PRKCA: variants seen among roughly 807,000 people sequenced by gnomAD.
The protein encoded by PRKCA is protein kinase C alpha type.
In PRKCA, 27 loss-of-function variants were observed where a neutral mutation model predicts 87.0. The observed-to-expected ratio is 0.31, with a 90% CI of 0.23 to 0.43. The LOEUF (loss-of-function observed/expected upper bound fraction) is 0.43, where lower values mean the gene tolerates loss of function less well. Ranked by LOEUF, PRKCA falls within the 20% of genes least tolerant of loss-of-function variation. The pLI is 1.00. For synonymous variants in PRKCA, 329 were observed against 311.1 expected (o/e 1.06, Z -0.61); for missense variants, 518 against 852.3 (o/e 0.61, Z 4.88).
intron 2 of PRKCA, among the ~76,000 whole-genome samples, chr17:66,429,164 G>A (rs1437636217): frequency 1.3e-5 from 2 of 152,022 alleles, no homozygotes; most frequent in Non-Finnish European, 1.5e-5. Flanking sequence ...ATAGTGCTTG[G>A]TATCTAGTAG....
intron 2 of PRKCA, among the ~76,000 whole-genome samples, chr17:66,457,158 G>A (rs530334879): frequency 2.6e-5 from 4 of 152,144 alleles, no homozygotes; most frequent in Admixed American, 2.0e-4. Context: ...TCTTGGAGTC[G>A]TCGTCTTGGC....
chr17:66,551,455 G>C (rs1968327866), intron 3 of PRKCA, among the ~76,000 whole-genome samples: 1 of 152,252 alleles, frequency 6.6e-6, no homozygotes, highest in Admixed American at 6.5e-5. Flanking sequence ...GCAAGCTGTT[G>C]GCGGAAGCCT....
At chr17:66,768,978 A>G (rs1445492684) in intron 13 of PRKCA, among the ~76,000 whole-genome samples, 2 of 152,192 alleles carry the variant, frequency 1.3e-5, no homozygotes, top group African/African-American at 4.8e-5. Context: ...ATGGATAAGC[A>G]GACTTGATAC....
chr17:66,564,144 TCTCGGCTCTGTGCAGG>T (rs1968815650), intron 3 of PRKCA, among the ~76,000 whole-genome samples: 2 of 152,054 alleles, frequency 1.3e-5, no homozygotes, highest in Admixed American at 1.3e-4. Flanking sequence ...AGTGGGGCCA[TCTCGGCTCTGTGCAGG>T]CTCTGCCTCC....
At chr17:66,611,750 T>C (rs1435733691) in intron 3 of PRKCA, among the ~76,000 whole-genome samples, 1 of 152,246 alleles carries the variant, frequency 6.6e-6, no homozygotes, top group East Asian at 1.9e-4. Context: ...CTGGCAGTTT[T>C]CTGAAGTGGT....
At chr17:66,691,053 A>G (rs1478134826) in intron 8 of PRKCA, among the ~76,000 whole-genome samples, 2 of 151,726 alleles carry the variant, frequency 1.3e-5, no homozygotes, top group African/African-American at 4.8e-5. Flanking sequence ...GGGCACGAGA[A>G]TCACTTGAAC....
At chr17:66,638,676 G>A (rs761043707) in intron 3 of PRKCA, among the ~76,000 whole-genome samples, 4 of 152,158 alleles carry the variant, frequency 2.6e-5, no homozygotes, top group East Asian at 1.9e-4. Flanking sequence ...GTGAAACCCC[G>A]TCTCCACTAA....
chr17:66,337,013 A>G (rs938709962), intron 2 of PRKCA, among the ~76,000 whole-genome samples: 1 of 151,708 alleles, frequency 6.6e-6, no homozygotes, highest in Non-Finnish European at 1.5e-5. Context: ...CTGGTCTGGA[A>G]CTCCTGACCT....
chr17:66,785,932 C>T (rs576510158), intron 14 of PRKCA, among the ~76,000 whole-genome samples: 1 of 152,300 alleles, frequency 6.6e-6, no homozygotes, highest in East Asian at 1.9e-4. Flanking sequence ...AGGTTCAGGC[C>T]ATTCTCCTGC....
intron 2 of PRKCA, among the ~76,000 whole-genome samples, chr17:66,357,239 G>A (rs1313545229): frequency 2.0e-5 from 3 of 152,180 alleles, no homozygotes; most frequent in African/African-American, 4.8e-5. Flanking sequence ...GAGAGAGGGT[G>A]CTGAAGCTGG....
chr17:66,626,654 G>T (rs2143722835), intron 3 of PRKCA, among the ~76,000 whole-genome samples: 1 of 152,102 alleles, frequency 6.6e-6, no homozygotes, highest in Admixed American at 6.6e-5. Context: ...ACAGGCGTGA[G>T]CCATCACGCC....
rs926571782 is a variant in PRKCA at position 66,786,885 on chromosome 17, G to C, written c.1624G>C (p.Asp542His). The C allele has an allele frequency of 6.2e-7, 1 of 1,613,930 alleles. No individual in the cohort carries two copies. Among genetic ancestry groups the C allele is most frequent in the Admixed American group, 1.7e-5 (1 of 60,004 alleles). ...LAGQPPFDGE[D>H]EDELFQSIME... ...GGAACAGCCTCCATTTGATGGTGAA[G>C]ATGAAGACGAGCTATTTCAGTCTAT... Residue 542 changes from aspartate to histidine, a missense_variant, in exon 15 of 17, where the codon GAT (aspartate) becomes CAT (histidine). Physicochemically the swap from Asp to His is moderately conservative, Grantham distance 81 (BLOSUM62 -1). This residue lies in a region of PRKCA where 159 missense variants were observed against 232.4 expected (regional missense o/e 0.68). Coordinates refer to ENST00000413366, the MANE Select transcript of PRKCA (RefSeq NM_002737.3).
intron 14 of PRKCA, among the ~76,000 whole-genome samples, chr17:66,781,253 G>T (rs1023935731): frequency 2.0e-5 from 3 of 152,172 alleles, no homozygotes; most frequent in Admixed American, 6.5e-5. Context: ...TGGGGTGTCA[G>T]GGAGCAACAT....
chr17:66,583,935 C>T lies in PRKCA; in HGVS notation c.289-57420C>T, dbSNP rs557737039. Among the ~76,000 whole-genome samples, 83 of 152,278 alleles carry T rather than the reference C, an allele frequency of 5.5e-4. 2 individuals carry two copies. In the South Asian group the frequency reaches 0.016, roughly 30 times the overall value. Reference sequence around the variant, plus strand: ...AGACTATTCTAAGACACTGGTAACACGTCTCTGAAAAGTGCTGGCGTTTTG... The same window carrying T: ...AGACTATTCTAAGACACTGGTAACATGTCTCTGAAAAGTGCTGGCGTTTTG... On this transcript the variant is annotated intron_variant, in intron 3 of 16. Coordinates refer to ENST00000413366, the MANE Select transcript of PRKCA (RefSeq NM_002737.3).
intron 2 of PRKCA, among the ~76,000 whole-genome samples, chr17:66,388,486 A>T (rs2143624346): frequency 6.6e-6 from 1 of 152,048 alleles, no homozygotes; most frequent in East Asian, 1.9e-4. Context: ...TAGAGACGGG[A>T]TTTCACCATG....
chr17:66,691,605 C>T (rs977285561), intron 8 of PRKCA, among the ~76,000 whole-genome samples: 2 of 152,080 alleles, frequency 1.3e-5, no homozygotes, highest in African/African-American at 2.4e-5. Flanking sequence ...GATGTCACAC[C>T]ACCTCTGTGA....
intron 2 of PRKCA, among the ~76,000 whole-genome samples, chr17:66,389,232 G>A (rs1910229448): frequency 6.6e-6 from 1 of 152,164 alleles, no homozygotes; most frequent in South Asian, 2.1e-4. Context: ...GTAAATATCT[G>A]TGGCGTTAAA....
At chr17:66,343,960 C>T (rs957227709) in intron 2 of PRKCA, among the ~76,000 whole-genome samples, 1 of 151,976 alleles carries the variant, frequency 6.6e-6, no homozygotes, top group Non-Finnish European at 1.5e-5. Context: ...TCTTGGGCCC[C>T]ATCCCTCCCT....
At chr17:66,647,442 G>A (rs2143828920) in intron 5 of PRKCA, among the ~76,000 whole-genome samples, 1 of 152,314 alleles carries the variant, frequency 6.6e-6, no homozygotes, top group East Asian at 1.9e-4. Context: ...AGGCAAGAAT[G>A]CCTGAAATGT....
Sources: gnomAD v4.1 joint callset for allele counts (sites outside exome capture counted in the v4.1 genomes callset) on GRCh38, gnomAD v4.1.1 for gene constraint, gnomAD v4.1.1 regional missense constraint, MANE v1.5 for transcripts, NCBI Gene and HGNC (gene_info 2026-07-23, HGNC 2026-07-21) for gene names.